Variants in ZEB1 observed in about 807,000 individuals in gnomAD.
The protein encoded by ZEB1 is zinc finger E-box-binding homeobox 1.
A neutral mutation model predicts 84.9 loss-of-function variants in ZEB1; 21 were observed. The ratio of observed to expected loss-of-function variants is 0.25; its 90% CI spans 0.18 to 0.36. The LOEUF is 0.36. Among genes scored for constraint, ZEB1 ranks in the 10% least tolerant of loss-of-function variants. ZEB1 has a pLI of 1.00. For missense variants in ZEB1, 1,104 were observed against 1,330.2 expected, an observed-to-expected ratio of 0.83 and a Z score of 2.65; for synonymous variants, 420 against 471.1, an observed-to-expected ratio of 0.89 and a Z score of 1.41.
chr10:31,356,574 C>T (rs2042162597), intron 1 of ZEB1, among the ~76,000 whole-genome samples: 1 of 152,088 alleles, frequency 6.6e-6, no homozygotes. Context: ...AGATAGACTG[C>T]TGGTTAAATT....
chr10:31,450,414 AT>A (rs141449900), intron 1 of ZEB1, among the ~76,000 whole-genome samples: 11,856 of 151,484 alleles, frequency 0.078, 662 homozygotes, highest in African/African-American at 0.16. Context: ...AAAGATATTG[AT>A]TTTTTTCTTT....
rs148088861 is a variant in ZEB1, at chr10:31,357,795, T to A, written c.58+38503T>A. ...ACATAAGAAAATACATATATTAGGATTAGTTACGCCAGTGGCTCAGTGATT... is the reference window on the plus strand; with the variant it reads ...ACATAAGAAAATACATATATTAGGAATAGTTACGCCAGTGGCTCAGTGATT... On this transcript the variant is annotated intron_variant, in intron 1 of 8. Coordinates refer to ENST00000424869, the MANE Select transcript of ZEB1 (RefSeq NM_001174096.2). 2.0e-5 allele frequency among the ~76,000 whole-genome samples: 3 copies of A among 152,200 alleles called. No individual in the cohort carries two copies. The East Asian group carries it at 5.8e-4, about 29-fold the overall frequency.
intron 1 of ZEB1, among the ~76,000 whole-genome samples, chr10:31,394,387 T>A (rs1705918286): frequency 6.6e-6 from 1 of 152,186 alleles, no homozygotes; most frequent in African/African-American, 2.4e-5. Flanking sequence ...TTTTTTTTTC[T>A]AAAGTTTTTT....
At chr10:31,469,687 A>C (rs2062935396) in intron 2 of ZEB1, among the ~76,000 whole-genome samples, 1 of 152,228 alleles carries the variant, frequency 6.6e-6, no homozygotes, top group African/African-American at 2.4e-5. Context: ...GCAGCCCAGA[A>C]GCTGGAACTG....
chr10:31,485,303 A>G (rs192069107), intron 2 of ZEB1, among the ~76,000 whole-genome samples: 21 of 151,964 alleles, frequency 1.4e-4, no homozygotes, highest in East Asian at 1.9e-4. Context: ...ATTCACAACA[A>G]TCCTGTGATG....
intron 1 of ZEB1, among the ~76,000 whole-genome samples, chr10:31,441,711 G>A (rs545414216): frequency 6.6e-6 from 1 of 151,652 alleles, no homozygotes; most frequent in African/African-American, 2.4e-5. Context: ...AAATTTACAA[G>A]AAAAAAACAA....
At chr10:31,504,998 GA>G (rs1429824458) in intron 4 of ZEB1, among the ~76,000 whole-genome samples, 1 of 152,102 alleles carries the variant, frequency 6.6e-6, no homozygotes, top group Non-Finnish European at 1.5e-5. Flanking sequence ...TAGGAGTGGT[GA>G]AGGAGTGGAA....
At position 31,461,046 on chromosome 10, in the gene ZEB1, A is replaced by G. The variant is rs1335257508; in HGVS notation, c.68A>G (p.Tyr23Cys). ...ANPRRNNVTNYNTVVETNSDS... is the reference protein window; with the variant it reads ...ANPRRNNVTNCNTVVETNSDS... The stretch of plus-strand genomic sequence containing the variant: ...CTTGTTTGTATTACAGTTACAAATT[A>G]TAATACTGTGGTAGAAACAAATTCA... Residue 23 changes from tyrosine to cysteine, a missense_variant, in exon 2 of 9, where the codon TAT becomes TGT. Physicochemically the swap from Tyr to Cys is radical, Grantham distance 194 (BLOSUM62 -2). Around this residue, in one of 7 missense-constraint regions of ZEB1, gnomAD observed 162 missense variants for 184.5 expected, o/e 0.88. Coordinates refer to ENST00000424869, the MANE Select transcript of ZEB1 (RefSeq NM_001174096.2). The G allele has an allele frequency of 1.9e-6, 3 of 1,612,074 alleles. No homozygotes were observed. The highest frequency in any genetic ancestry group is 1.7e-6 in the Non-Finnish European group (2 of 1,178,514).
chr10:31,405,806 T>C (rs527254534), intron 1 of ZEB1, among the ~76,000 whole-genome samples: 1 of 152,220 alleles, frequency 6.6e-6, no homozygotes, highest in Admixed American at 6.5e-5. Context: ...CAACCCGTCA[T>C]CTACATTAGG....
At chr10:31,363,910 C>T (rs2370501) in intron 1 of ZEB1, 361 of 1,308,242 alleles carry the variant, frequency 2.8e-4, no homozygotes, top group South Asian at 1.9e-3. Flanking sequence ...CACAATTCCC[C>T]GGGCAGGCAC....
At chr10:31,416,470 A>G (rs907495321) in intron 1 of ZEB1, among the ~76,000 whole-genome samples, 16 of 152,128 alleles carry the variant, frequency 1.1e-4, no homozygotes, top group African/African-American at 3.9e-4. Flanking sequence ...CTTGAACCAA[A>G]CGATTAAATG....
chr10:31,455,875 A>G (rs1411290925), intron 1 of ZEB1, among the ~76,000 whole-genome samples: 4 of 152,172 alleles, frequency 2.6e-5, no homozygotes. Flanking sequence ...TAGAACTACA[A>G]ATACCATTTG....
rs78898513 is a variant in ZEB1 at position 31,512,462 on chromosome 10, A to G, written c.687+1587A>G. Reference sequence around the variant, plus strand: ...ATATGGGGACCAGTAATGTGAGGAAATATAACTGGGAGGTCTTGGAAACAA... The same window carrying G: ...ATATGGGGACCAGTAATGTGAGGAAGTATAACTGGGAGGTCTTGGAAACAA... On this transcript the variant is annotated intron_variant, in intron 5 of 8. Transcript: ENST00000424869. Among the ~76,000 whole-genome samples, 9 of 152,304 alleles carry G rather than the reference A, an allele frequency of 5.9e-5. No individual in the cohort carries two copies. The East Asian group carries it at 1.5e-3, about 26-fold the overall frequency.
chr10:31,394,082 A>C lies in ZEB1; in HGVS notation c.59-66955A>C, dbSNP rs148753238. Among the ~76,000 whole-genome samples, 400 of 152,310 alleles carry C rather than the reference A, an allele frequency of 2.6e-3. 1 individual carries two copies. Among genetic ancestry groups the C allele is most frequent in the African/African-American group, 8.9e-3 (370 of 41,562 alleles). ...GGGAAAGTGGAAGTGATCAGAACCCAATCTGAGGTCAGAAAACAAAACTAC... is the reference window on the plus strand; with the variant it reads ...GGGAAAGTGGAAGTGATCAGAACCCCATCTGAGGTCAGAAAACAAAACTAC... On this transcript the variant is annotated intron_variant, in intron 1 of 8. Coordinates refer to ENST00000424869, the MANE Select transcript of ZEB1 (RefSeq NM_001174096.2).
intron 1 of ZEB1, among the ~76,000 whole-genome samples, chr10:31,412,631 T>C (rs999434848): frequency 6.6e-6 from 1 of 152,246 alleles, no homozygotes. Context: ...GGTGTATATG[T>C]GCCACATTTT....
At chr10:31,374,571 G>C (rs550494064) in intron 1 of ZEB1, among the ~76,000 whole-genome samples, 6 of 151,814 alleles carry the variant, frequency 4.0e-5, no homozygotes, top group African/African-American at 1.4e-4. Flanking sequence ...ATTACACACT[G>C]CAACTGGAAC....
chr10:31,493,550 T>C (rs926860427), intron 2 of ZEB1, among the ~76,000 whole-genome samples: 2 of 152,026 alleles, frequency 1.3e-5, no homozygotes, highest in Non-Finnish European at 2.9e-5. Flanking sequence ...GTAGATTTTA[T>C]TACTTTACTC....
At chr10:31,472,328 A>C (rs573433230) in intron 2 of ZEB1, among the ~76,000 whole-genome samples, 2 of 151,850 alleles carry the variant, frequency 1.3e-5, no homozygotes, top group South Asian at 4.2e-4. Context: ...GACTAATAAA[A>C]AAAGAGAGAA....
intron 1 of ZEB1, among the ~76,000 whole-genome samples, chr10:31,408,132 C>G (rs925636601): frequency 6.8e-4 from 103 of 151,924 alleles, no homozygotes; most frequent in African/African-American, 2.3e-3. Flanking sequence ...CATGAGTGAA[C>G]TCCCATTCAC....
Sources: allele counts gnomAD v4.1 joint callset (sites outside exome capture counted in the v4.1 genomes callset), GRCh38; gene constraint gnomAD v4.1.1; regional missense constraint gnomAD v4.1.1; transcripts MANE v1.5; gene names NCBI Gene and HGNC (gene_info 2026-07-23, HGNC 2026-07-21).